C10orf143: variants seen among roughly 807,000 people sequenced by gnomAD.
The protein encoded by C10orf143 is uncharacterized protein C10orf143.
At chr10:130,040,830 G>GAA (rs35399028) in intron 3 of C10orf143, among the ~76,000 whole-genome samples, 18 of 141,624 alleles carry the variant, frequency 1.3e-4, no homozygotes, top group Non-Finnish European at 2.2e-4. Flanking sequence ...CTCAAAAAAA[G>GAA]AAAAAAAAAA....
chr10:130,087,568 G>A (rs1729144160), intron 1 of C10orf143, among the ~76,000 whole-genome samples: 1 of 152,198 alleles, frequency 6.6e-6, no homozygotes, highest in Admixed American at 6.5e-5. Context: ...CTTGCTGCCT[G>A]TCCTGAGGAG....
intron 1 of C10orf143, among the ~76,000 whole-genome samples, chr10:130,091,368 A>G (rs1699472136): frequency 1.3e-5 from 2 of 152,208 alleles, no homozygotes; most frequent in Admixed American, 1.3e-4. Flanking sequence ...AGAAAGCATC[A>G]ACATCAACAA....
intron 1 of C10orf143, chr10:130,108,071 T>C (rs889384067): frequency 6.7e-7 from 1 of 1,493,904 alleles, no homozygotes; most frequent in Non-Finnish European, 9.3e-7. Context: ...TATCCCTGAT[T>C]CATCTCTCCC....
intron 3 of C10orf143, among the ~76,000 whole-genome samples, chr10:130,045,552 C>T (rs1206559402): frequency 6.6e-6 from 1 of 152,250 alleles, no homozygotes; most frequent in African/African-American, 2.4e-5. Flanking sequence ...AACCGCGAGG[C>T]GCCCCTGGGA....
chr10:130,101,520 T>C (rs1861550413), intron 1 of C10orf143, among the ~76,000 whole-genome samples: 1 of 151,954 alleles, frequency 6.6e-6, no homozygotes, highest in Non-Finnish European at 1.5e-5. Context: ...AAAAAACCTA[T>C]CAATTTAGAA....
chr10:130,050,388 G>A (rs993325709), intron 3 of C10orf143, among the ~76,000 whole-genome samples: 1 of 152,226 alleles, frequency 6.6e-6, no homozygotes, highest in African/African-American at 2.4e-5. Context: ...TGAGCAACAT[G>A]GCTGAACAAC....
chr10:130,048,615 A>G (rs968262452), intron 3 of C10orf143, among the ~76,000 whole-genome samples: 2 of 152,198 alleles, frequency 1.3e-5, no homozygotes, highest in African/African-American at 2.4e-5. Context: ...AGGGCCACCT[A>G]CTAGCCCCAC....
chr10:130,094,268 C>G (rs145847224), intron 1 of C10orf143, among the ~76,000 whole-genome samples: 1 of 152,112 alleles, frequency 6.6e-6, no homozygotes, highest in Admixed American at 6.6e-5. Context: ...CAGGATCAGA[C>G]AGATTCACAG....
At chr10:130,092,745 A>G (rs1363744084) in intron 1 of C10orf143, among the ~76,000 whole-genome samples, 2 of 152,172 alleles carry the variant, frequency 1.3e-5, no homozygotes, top group Non-Finnish European at 2.9e-5. Flanking sequence ...AACGGAAAGC[A>G]AAAAAAGCAG....
At chr10:130,074,520 C>T (rs551246748) in intron 3 of C10orf143, among the ~76,000 whole-genome samples, 7 of 152,148 alleles carry the variant, frequency 4.6e-5, no homozygotes, top group East Asian at 3.9e-4. Context: ...GATATCAGAA[C>T]GTTACATTTC....
In C10orf143 at chr10:130,108,249, C is replaced by T. The variant is rs189223394; in HGVS notation, c.69+2455G>A. The T allele has an allele frequency of 2.0e-4, 316 of 1,558,546 alleles. No individual in the cohort carries two copies. The Middle Eastern group carries it at 6.4e-3, about 32-fold the overall frequency. On this transcript the variant is annotated intron_variant, in intron 1 of 3. Coordinates refer to ENST00000637128, the MANE Select transcript of C10orf143 (RefSeq NM_001355042.2). Reference sequence around the variant, plus strand: ...GGAGCTTCTCGAGATTATTTTCCACCAGGGGATTTCCCAGGTCCACCACAT... The same window carrying T: ...GGAGCTTCTCGAGATTATTTTCCACTAGGGGATTTCCCAGGTCCACCACAT...
At chr10:130,103,099 C>T (rs1861585488) in intron 1 of C10orf143, among the ~76,000 whole-genome samples, 1 of 151,992 alleles carries the variant, frequency 6.6e-6, no homozygotes, top group South Asian at 2.1e-4. Flanking sequence ...CTGCCTCAGC[C>T]TCCCAAGTAG....
chr10:130,055,985 A>T (rs1334782894), intron 3 of C10orf143, among the ~76,000 whole-genome samples: 1 of 150,668 alleles, frequency 6.6e-6, no homozygotes, highest in Non-Finnish European at 1.5e-5. Flanking sequence ...AAAAAGAAAG[A>T]AAAGAAAAAT....
intron 1 of C10orf143, chr10:130,108,438 C>T (rs780491183): frequency 2.2e-5 from 18 of 822,030 alleles, no homozygotes; most frequent in East Asian, 1.2e-4. Context: ...CATCCAAAAC[C>T]GCAGCAAGAT....
rs148015809 is a variant in C10orf143, at chr10:130,064,222, C to A, written c.*132G>T. The A allele has an allele frequency of 1.1e-3, 446 of 394,052 alleles. 3 individuals carry two copies. In the East Asian group the frequency reaches 0.013, roughly 11 times the overall value. The allele number at this position is 394,052 out of a possible 1,614,324, so 24.4% of individuals were successfully genotyped here. On this transcript the variant is annotated 3_prime_UTR_variant, in exon 4 of 4. Transcript: ENST00000637128. ...ATGAAAGGACAGACAAACCTCCCCC[C>A]ACCCACAGAGGACACCGGGCTGCTA...
chr10:130,068,782 A>C (rs1015518930), intron 3 of C10orf143, among the ~76,000 whole-genome samples: 2 of 151,926 alleles, frequency 1.3e-5, no homozygotes, highest in Non-Finnish European at 2.9e-5. Context: ...ACGGGGATCA[A>C]CAGCAGATTT....
chr10:130,088,866 T>A (rs1453436743), intron 1 of C10orf143, among the ~76,000 whole-genome samples: 1 of 152,200 alleles, frequency 6.6e-6, no homozygotes, highest in African/African-American at 2.4e-5. Context: ...TCTATGACAT[T>A]TGGTACTGCA....
intron 3 of C10orf143, among the ~76,000 whole-genome samples, chr10:130,077,922 C>G (rs545854483): frequency 6.6e-6 from 1 of 152,226 alleles, no homozygotes; most frequent in South Asian, 2.1e-4. Flanking sequence ...AATATTAAAA[C>G]GCCCAAGCCT....
chr10:130,044,275 C>T (rs184822445), intron 3 of C10orf143, among the ~76,000 whole-genome samples: 5 of 152,180 alleles, frequency 3.3e-5, no homozygotes, highest in East Asian at 1.9e-4. Context: ...TGATGGGGGC[C>T]GAGCTGGGAA....
Sources: allele counts gnomAD v4.1 joint callset (sites outside exome capture counted in the v4.1 genomes callset), GRCh38; gene constraint gnomAD v4.1.1; transcripts MANE v1.5; gene names NCBI Gene and HGNC (gene_info 2026-07-23, HGNC 2026-07-21).